METTL21A: variants seen among roughly 807,000 people sequenced by gnomAD.
METTL21A encodes the protein methyltransferase 21A, HSPA lysine.
Under a neutral mutation model 20.9 loss-of-function variants are expected in METTL21A, and 22 were observed. The observed-to-expected ratio is 1.05, with a 90% CI of 0.75 to 1.50. The LOEUF is 1.50. Among genes scored for constraint, METTL21A ranks in the 40% most tolerant of loss-of-function variants. The pLI, the probability that METTL21A is intolerant of heterozygous loss-of-function variation, is 0.00. For synonymous variants in METTL21A, 93 were observed against 102.0 expected (o/e 0.91, Z 0.53); for missense variants, 271 against 266.8 (o/e 1.02, Z -0.11).
intron 3 of METTL21A, among the ~76,000 whole-genome samples, chr2:207,593,728 T>A (rs1206689759): frequency 2.0e-5 from 3 of 150,134 alleles, no homozygotes; most frequent in African/African-American, 7.4e-5. Context: ...ACTTTTTTTT[T>A]TTTTTTTTTT....
chr2:207,608,155 C>A (rs1464848122), downstream of METTL21A, among the ~76,000 whole-genome samples: 1 of 152,140 alleles, frequency 6.6e-6, no homozygotes, highest in African/African-American at 2.4e-5. Flanking sequence ...TATGGCCTAA[C>A]TGCAGGACCA....
chr2:207,591,949 C>T (rs1335419131), intron 3 of METTL21A, among the ~76,000 whole-genome samples: 1 of 152,068 alleles, frequency 6.6e-6, no homozygotes, highest in Non-Finnish European at 1.5e-5. Context: ...CAATTGTCTT[C>T]ATTTCCTTAT....
At chr2:207,586,258 A>G (rs1246021927) in intron 3 of METTL21A, among the ~76,000 whole-genome samples, 2 of 152,220 alleles carry the variant, frequency 1.3e-5, no homozygotes, top group South Asian at 2.1e-4. Flanking sequence ...GTGGAACAGA[A>G]TAAAGAACAC....
chr2:207,598,004 T>C (rs2086449355), intron 3 of METTL21A: 1 of 182,808 alleles, frequency 5.5e-6, no homozygotes, highest in Admixed American at 6.3e-5. Flanking sequence ...TCTAATTTAC[T>C]GTTGCCCATT....
chr2:207,623,795 T>C (rs985922349), intron 2 of METTL21A, among the ~76,000 whole-genome samples: 16 of 152,140 alleles, frequency 1.1e-4, no homozygotes, highest in African/African-American at 3.6e-4. Flanking sequence ...GGAGGCTGCA[T>C]TGAGCCAGGA....
intron 3 of METTL21A, among the ~76,000 whole-genome samples, chr2:207,586,555 ATAGT>A (rs2083876191): frequency 6.6e-6 from 1 of 152,214 alleles, no homozygotes; most frequent in African/African-American, 2.4e-5. Context: ...AAAAAGAAAA[ATAGT>A]TAAGTGGAAA....
chr2:207,619,043 C>T (rs2090149386), intron 3 of METTL21A, among the ~76,000 whole-genome samples: 1 of 152,120 alleles, frequency 6.6e-6, no homozygotes, highest in Non-Finnish European at 1.5e-5. Flanking sequence ...GCCTACTTAC[C>T]ATGCAGGGTG....
chr2:207,596,089 T>A (rs1419800199), intron 3 of METTL21A, among the ~76,000 whole-genome samples: 4 of 152,228 alleles, frequency 2.6e-5, no homozygotes, highest in African/African-American at 9.6e-5. Context: ...TCTAGAAGTT[T>A]TATAGTTTTA....
chr2:207,623,893 G>A (rs2090802823), intron 2 of METTL21A, among the ~76,000 whole-genome samples: 1 of 152,148 alleles, frequency 6.6e-6, no homozygotes, highest in South Asian at 2.1e-4. Context: ...GCAGTTGGGG[G>A]CTTTCCTTCC....
chr2:207,587,947 T>G (rs1233285399), intron 3 of METTL21A, among the ~76,000 whole-genome samples: 1 of 152,204 alleles, frequency 6.6e-6, no homozygotes, highest in Admixed American at 6.5e-5. Context: ...GTGAGGATTT[T>G]GAATGTTCAC....
chr2:207,601,230 C>T (rs1324282863), intron 3 of METTL21A: 1 of 185,568 alleles, frequency 5.4e-6, no homozygotes, highest in Non-Finnish European at 1.1e-5. Flanking sequence ...TACATTCTGT[C>T]CTTTGTAAAT....
At chr2:207,617,556 G>A (rs1349943455) in intron 3 of METTL21A, among the ~76,000 whole-genome samples, 1 of 152,258 alleles carries the variant, frequency 6.6e-6, no homozygotes, top group Non-Finnish European at 1.5e-5. Flanking sequence ...TGAGGCTGAA[G>A]AGTCAGGCAG....
intron 3 of METTL21A, among the ~76,000 whole-genome samples, chr2:207,616,558 T>G (rs1050699712): frequency 6.6e-6 from 1 of 152,138 alleles, no homozygotes; most frequent in African/African-American, 2.4e-5. Flanking sequence ...AAAAACAGAA[T>G]ATCCGGCTGG....
At chr2:207,597,984 A>G (rs2086446533) in intron 3 of METTL21A, 2 of 183,758 alleles carry the variant, frequency 1.1e-5, no homozygotes, top group Non-Finnish European at 2.3e-5. Context: ...CATTTACGTA[A>G]AAAGATATTT....
At chr2:207,616,454 A>G (rs2089754727) in intron 3 of METTL21A, among the ~76,000 whole-genome samples, 1 of 152,248 alleles carries the variant, frequency 6.6e-6, no homozygotes, top group African/African-American at 2.4e-5. Flanking sequence ...AATTCCACAC[A>G]TATCTGAATG....
intron 1 of METTL21A, chr2:207,625,130 G>A (rs2090977845): frequency 1.3e-5 from 2 of 152,416 alleles, no homozygotes; most frequent in East Asian, 1.9e-4. Flanking sequence ...CCCTCCAGGG[G>A]TGAGAGGGAG....
chr2:207,606,017 C>A (rs1336855576), downstream of METTL21A, among the ~76,000 whole-genome samples: 3 of 152,312 alleles, frequency 2.0e-5, no homozygotes, highest in East Asian at 3.9e-4. Flanking sequence ...TTTCTCATCT[C>A]TGTTAATACT....
intron 3 of METTL21A, among the ~76,000 whole-genome samples, chr2:207,593,225 T>TA (rs2106636747): frequency 6.6e-6 from 1 of 152,304 alleles, no homozygotes; most frequent in Admixed American, 6.5e-5. Flanking sequence ...ATGTTAGTCA[T>TA]ACTTAAAATT....
chr2:207,597,794 G>T, intron 3 of METTL21A: 1 of 197,882 alleles, frequency 5.1e-6, no homozygotes, highest in Admixed American at 6.1e-5. Flanking sequence ...CCAACTGAAC[G>T]ACAAAGCATG....
Sources: gnomAD v4.1 joint callset for allele counts (sites outside exome capture counted in the v4.1 genomes callset) on GRCh38, gnomAD v4.1.1 for gene constraint, MANE v1.5 for transcripts, NCBI Gene and HGNC (gene_info 2026-07-23, HGNC 2026-07-21) for gene names.